LRRTM4: variants seen among roughly 807,000 people sequenced by gnomAD.
LRRTM4 encodes leucine-rich repeat transmembrane neuronal protein 4.
In LRRTM4, 25 loss-of-function variants were observed where a neutral mutation model predicts 47.6. That is an observed-to-expected ratio of 0.53 (90% CI 0.38 to 0.73). The LOEUF is 0.73. Ranked by LOEUF, LRRTM4 falls within the 30% of genes least tolerant of loss-of-function variation. The pLI is 0.00. For missense variants in LRRTM4, 638 were observed against 713.4 expected (o/e 0.89, Z 1.20); for synonymous variants, 311 against 269.5 (o/e 1.15, Z -1.51).
At chr2:76,868,804 T>A (rs1672538636) in intron 3 of LRRTM4, among the ~76,000 whole-genome samples, 1 of 152,192 alleles carries the variant, frequency 6.6e-6, no homozygotes, top group South Asian at 2.1e-4. Flanking sequence ...TCTGTGATTA[T>A]TCTAAGAACT....
chr2:77,313,905 C>T (rs963352845), intron 3 of LRRTM4, among the ~76,000 whole-genome samples: 1 of 152,228 alleles, frequency 6.6e-6, no homozygotes, highest in East Asian at 1.9e-4. Context: ...TTTCCTTAAA[C>T]AAAAATCTGT....
chr2:77,158,853 A>G (rs1214428700), intron 3 of LRRTM4, among the ~76,000 whole-genome samples: 1 of 151,824 alleles, frequency 6.6e-6, no homozygotes, highest in East Asian at 1.9e-4. Context: ...AATAATAAAC[A>G]TTAACATAGG....
intron 3 of LRRTM4, among the ~76,000 whole-genome samples, chr2:77,004,145 C>T (rs1215718671): frequency 6.6e-6 from 1 of 152,060 alleles, no homozygotes; most frequent in African/African-American, 2.4e-5. Flanking sequence ...AAAAGAAAAC[C>T]CCATTTTCTG....
chr2:77,103,669 A>ATATATATATATATATC (rs1671020322), intron 3 of LRRTM4, among the ~76,000 whole-genome samples: 1 of 148,066 alleles, frequency 6.8e-6, no homozygotes, highest in East Asian at 1.9e-4. Flanking sequence ...ATATAGATAT[A>ATATATATATATATATC]TATATCACAT....
At chr2:76,973,465 T>A (rs1161344665) in intron 3 of LRRTM4, among the ~76,000 whole-genome samples, 1 of 151,992 alleles carries the variant, frequency 6.6e-6, no homozygotes, top group Non-Finnish European at 1.5e-5. Context: ...ATGTACACTT[T>A]CCTGAAGGTA....
At chr2:77,193,394 A>T (rs866933226) in intron 3 of LRRTM4, among the ~76,000 whole-genome samples, 27 of 152,230 alleles carry the variant, frequency 1.8e-4, no homozygotes, top group African/African-American at 5.3e-4. Flanking sequence ...TTGTTGAAAA[A>T]ATTTAAATAT....
intron 3 of LRRTM4, among the ~76,000 whole-genome samples, chr2:76,923,234 T>C (rs1286545509): frequency 1.3e-5 from 2 of 152,074 alleles, no homozygotes; most frequent in African/African-American, 2.4e-5. Flanking sequence ...TGTTTTACCT[T>C]TTATGTTAAA....
At chr2:76,812,791 T>TC (rs1366507886) in intron 3 of LRRTM4, among the ~76,000 whole-genome samples, 1 of 48,756 alleles carries the variant, frequency 2.1e-5, no homozygotes, top group South Asian at 1.1e-3. Flanking sequence ...CTCCTCTCCC[T>TC]CCCCCCCCTC....
rs977621942 is a variant in LRRTM4 at position 76,913,546 on chromosome 2, T to TC, written c.1552-164631_1552-164630insG. Among the ~76,000 whole-genome samples the TC allele has an allele frequency of 6.2e-5, 9 of 146,078 alleles. 1 individual carries two copies. Among genetic ancestry groups the TC allele is most frequent in the African/African-American group, 2.1e-4 (8 of 38,870 alleles). On this transcript the variant is annotated intron_variant, in intron 3 of 3. Transcript: ENST00000409884. ...AATATTTAGAGATCCTATTTCAATTTTTTTTTTTTTTGAGACAGAGTCTTG... is the reference window on the plus strand; with the variant it reads ...AATATTTAGAGATCCTATTTCAATTTCTTTTTTTTTTTGAGACAGAGTCTTG...
intron 3 of LRRTM4, among the ~76,000 whole-genome samples, chr2:77,123,259 T>C (rs1671567111): frequency 6.9e-6 from 1 of 144,176 alleles, no homozygotes; most frequent in South Asian, 2.1e-4. Context: ...TAATTCATAA[T>C]TCAGTCTTTT....
intron 3 of LRRTM4, among the ~76,000 whole-genome samples, chr2:76,964,355 T>C (rs1191159554): frequency 6.6e-6 from 1 of 151,046 alleles, no homozygotes; most frequent in Non-Finnish European, 1.5e-5. Flanking sequence ...TAACATGAAA[T>C]ATGTGGAGGA....
intron 3 of LRRTM4, among the ~76,000 whole-genome samples, chr2:76,924,759 G>GACACACACGCAGACAC (rs1469698126): frequency 6.6e-6 from 1 of 151,696 alleles, no homozygotes; most frequent in Non-Finnish European, 1.5e-5. Flanking sequence ...GGAATAATAA[G>GACACACACGCAGACAC]ACACACACGC....
intron 3 of LRRTM4, among the ~76,000 whole-genome samples, chr2:76,997,468 T>C (rs1208587772): frequency 6.6e-6 from 1 of 152,106 alleles, no homozygotes; most frequent in African/African-American, 2.4e-5. Flanking sequence ...TGATGAAATA[T>C]GAATCTGAAA....
At chr2:77,042,151 AT>A (rs1253730054) in intron 3 of LRRTM4, among the ~76,000 whole-genome samples, 1 of 151,560 alleles carries the variant, frequency 6.6e-6, no homozygotes, top group African/African-American at 2.4e-5. Flanking sequence ...ATCACTCTTA[AT>A]TTCCCGATTT....
intron 3 of LRRTM4, among the ~76,000 whole-genome samples, chr2:76,765,731 G>A (rs1673429291): frequency 6.6e-6 from 1 of 152,196 alleles, no homozygotes; most frequent in Non-Finnish European, 1.5e-5. Context: ...CTCCAGGACT[G>A]TGAAATAAGC....
intron 3 of LRRTM4, among the ~76,000 whole-genome samples, chr2:76,785,446 G>T (rs922770437): frequency 6.6e-6 from 1 of 152,108 alleles, no homozygotes; most frequent in Admixed American, 6.6e-5. Context: ...CATTTAATGA[G>T]AGTGAATTTT....
intron 3 of LRRTM4, among the ~76,000 whole-genome samples, chr2:76,902,818 C>G (rs1673687411): frequency 6.6e-6 from 1 of 152,022 alleles, no homozygotes; most frequent in South Asian, 2.1e-4. Context: ...TTAGATGGCC[C>G]CAAATTGATA....
At chr2:77,080,334 T>C (rs1680490317) in intron 3 of LRRTM4, among the ~76,000 whole-genome samples, 1 of 152,190 alleles carries the variant, frequency 6.6e-6, no homozygotes, top group Admixed American at 6.5e-5. Context: ...CTTTGAGCAC[T>C]GTCCTTGATC....
At chr2:76,993,430 T>C (rs79275092) in intron 3 of LRRTM4, among the ~76,000 whole-genome samples, 7,179 of 151,860 alleles carry the variant, frequency 0.047, 365 homozygotes, top group East Asian at 0.14. Flanking sequence ...ACCAACCCCA[T>C]TAAAAAATTG....
Sources: allele counts gnomAD v4.1 joint callset (sites outside exome capture counted in the v4.1 genomes callset), GRCh38; gene constraint gnomAD v4.1.1; transcripts MANE v1.5; gene names NCBI Gene and HGNC (gene_info 2026-07-23, HGNC 2026-07-21).